Variants in PPIL2 observed in about 807,000 individuals in gnomAD.
PPIL2 encodes the protein peptidylprolyl isomerase like 2.
In PPIL2, 50 loss-of-function variants were observed where a neutral mutation model predicts 75.2. The observed-to-expected ratio is 0.66, with a 90% confidence interval of 0.53 to 0.84. The LOEUF (loss-of-function observed/expected upper bound fraction) is 0.84, where lower values mean the gene tolerates loss of function less well. Among genes scored for constraint, PPIL2 ranks in the 40% least tolerant of loss-of-function variants. PPIL2 has a pLI of 0.00. For synonymous variants in PPIL2, 245 were observed against 258.8 expected (o/e 0.95, Z 0.51); for missense variants, 590 against 685.0 (o/e 0.86, Z 1.55).
At chr22:21,695,253 G>A in intron 19 of PPIL2, 141 bp from the exon 20 acceptor site, 2 of 1,320,604 alleles carry the variant, frequency 1.5e-6, no homozygotes, top group Non-Finnish European at 2.0e-6. Flanking sequence ...CTCTGTGGGT[G>A]GAAGAGATCA....
intron 6 of PPIL2, among the ~76,000 whole-genome samples, chr22:21,677,698 C>CGGGAGA (rs982911187): frequency 1.3e-5 from 1 of 74,186 alleles, no homozygotes; most frequent in Non-Finnish European, 3.5e-5. Context: ...GGAGCGGGAG[C>CGGGAGA]GGGAGAGGGA....
At chr22:21,681,219 C>T in intron 6 of PPIL2, 80 bp from the exon 7 acceptor site, 1 of 1,191,710 alleles carries the variant, frequency 8.4e-7, no homozygotes, top group Non-Finnish European at 1.3e-6. Context: ...TTCTGTCCTG[C>T]CCTGGCCCTC....
chr22:21,698,194 A>AAAT (rs749944717), downstream of PPIL2: 1 of 151,860 alleles, frequency 6.6e-6, no homozygotes, highest in Non-Finnish European at 1.5e-5. Flanking sequence ...TTTGGTTTAA[A>AAAT]AATGAGCTTG....
chr22:21,688,777 C>A lies in PPIL2; in HGVS notation c.1067C>A (p.Pro356His), dbSNP rs755668986. The A allele has an allele frequency of 6.2e-7, 1 of 1,614,206 alleles. No individual in the cohort carries two copies. Among genetic ancestry groups the A allele is most frequent in the Admixed American group, 1.7e-5 (1 of 60,020 alleles). ...WGKPFKDEFR[P>H]NLSHTGRGIL... The stretch of plus-strand genomic sequence containing the variant: ...AAGCCCTTCAAAGACGAGTTCCGGC[C>A]CAACCTCTCGCACACGGGCCGCGGC... Residue 356 changes from proline to histidine, a missense_variant, in exon 15 of 20, where the codon CCC (proline) becomes CAC (histidine). By Grantham distance (77) the Pro-to-His change is moderately conservative. Coordinates refer to ENST00000398831, the MANE Select transcript of PPIL2 (RefSeq NM_014337.4).
At chr22:21,682,587 C>G in intron 8 of PPIL2, 61 bp downstream of exon 8, 1 of 1,281,930 alleles carries the variant, frequency 7.8e-7, no homozygotes, top group Non-Finnish European at 1.1e-6. Flanking sequence ...GCCCAGGCCT[C>G]TACAGGGCCC....
rs757166740 is a variant in PPIL2, at chr22:21,694,718, G to C, written c.1270-37G>C. On this transcript the variant is annotated intron_variant, in intron 17 of 19. Coordinates refer to ENST00000398831, the MANE Select transcript of PPIL2 (RefSeq NM_014337.4). Reference sequence around the variant, plus strand: ...CGGCTGGGGGCCAGGCAGGCAGGGGGAGGACCTGCCGTGCACTGAGCCCCC... The same window carrying C: ...CGGCTGGGGGCCAGGCAGGCAGGGGCAGGACCTGCCGTGCACTGAGCCCCC... 47 of 1,612,330 alleles carry C rather than the reference G, an allele frequency of 2.9e-5. No individual in the cohort carries two copies. The South Asian group carries it at 5.1e-4, about 17-fold the overall frequency.
chr22:21,686,390 G>T, intron 10 of PPIL2, 93 bp from the exon 11 acceptor site: 2 of 1,200,374 alleles, frequency 1.7e-6, no homozygotes, highest in Non-Finnish European at 2.5e-6. Context: ...GGGGGGCAGG[G>T]GTGGCGTGTG....
chr22:21,668,080 C>T (rs986528191), intron 1 of PPIL2, among the ~76,000 whole-genome samples: 2 of 151,856 alleles, frequency 1.3e-5, no homozygotes, highest in African/African-American at 4.8e-5. Flanking sequence ...CCGGGCCAGA[C>T]ATCTCGAATT....
In PPIL2 at chr22:21,696,590, GT is replaced by G; in HGVS notation, c.*1102del. ...TCTTCAGCCCAGGCCAGTGGTCAGT[GT>G]TCTCATGTCATGGACTCTCCTTGCC... On this transcript the variant is annotated 3_prime_UTR_variant, in exon 20 of 20. Transcript: ENST00000398831. 6.9e-7 allele frequency: 1 copy of G among 1,453,958 alleles called. No individual in the cohort carries two copies. The highest frequency in any genetic ancestry group is 9.0e-7 in the Non-Finnish European group (1 of 1,105,160). 90.1% of individuals were successfully genotyped at this position (1,453,958 alleles called of 1,614,324 possible).
intron 15 of PPIL2, among the ~76,000 whole-genome samples, chr22:21,691,038 C>A (rs1166266906): frequency 2.1e-5 from 3 of 141,530 alleles, no homozygotes; most frequent in African/African-American, 7.9e-5. Flanking sequence ...GATCTCGGCT[C>A]ACTGCAACCT....
rs2067893848 is a variant in PPIL2 at position 21,695,617 on chromosome 22, A to G, written c.*127A>G. The stretch of plus-strand genomic sequence containing the variant: ...AATAAATTGCTTGCCTGCTGCCTGC[A>G]TCCCCTTTCCTGGCCCCTGGGAGCC... On this transcript the variant is annotated 3_prime_UTR_variant, in exon 20 of 20. Coordinates refer to ENST00000398831, the MANE Select transcript of PPIL2 (RefSeq NM_014337.4). 6.7e-7 allele frequency: 1 copy of G among 1,494,932 alleles called. No homozygotes were observed. Among genetic ancestry groups the G allele is most frequent in the Admixed American group, 2.1e-5 (1 of 47,114 alleles). The allele number at this position is 1,494,932 out of a possible 1,614,324, so 92.6% of individuals were successfully genotyped here. A position where few individuals can be genotyped will look rare whatever the true frequency, so the allele number is the denominator to read the frequency against.
chr22:21,676,367 CCT>C (rs2066859400), intron 6 of PPIL2, among the ~76,000 whole-genome samples: 1 of 136,994 alleles, frequency 7.3e-6, no homozygotes, highest in African/African-American at 2.7e-5. Flanking sequence ...TTTCTCCAAA[CCT>C]CTTTTTTTTT....
downstream of PPIL2, chr22:21,699,109 G>C (rs1005517270): frequency 1.3e-5 from 2 of 152,456 alleles, no homozygotes; most frequent in Non-Finnish European, 2.9e-5. Context: ...GCTGTGTGTG[G>C]GCAGTGAGCT....
At chr22:21,694,562 A>G (rs566483231) in intron 16 of PPIL2, 31 bp from the exon 17 acceptor site, 2 of 1,612,832 alleles carry the variant, frequency 1.2e-6, no homozygotes, top group Middle Eastern at 1.7e-4. Context: ...CCTTGAGCAC[A>G]CGCAGACCCA....
Position 21,677,346 on chromosome 22 carries a change from G to A in PPIL2, c.295+2231G>A, listed in dbSNP as rs1177830451. On this transcript the variant is annotated intron_variant, in intron 6 of 19. Coordinates refer to ENST00000398831, the MANE Select transcript of PPIL2 (RefSeq NM_014337.4). Reference sequence around the variant, plus strand: ...GGCACTTTGGGAGGCCAAGGCAGGCGGCTGGGAGGTGGAGGTTGTAGCTAG... The same window carrying A: ...GGCACTTTGGGAGGCCAAGGCAGGCAGCTGGGAGGTGGAGGTTGTAGCTAG... 7.2e-5 allele frequency among the ~76,000 whole-genome samples: 11 copies of A among 152,208 alleles called. No individual in the cohort carries two copies. In the East Asian group the frequency reaches 7.7e-4, roughly 11 times the overall value.
At chr22:21,676,853 G>C (rs1482213870) in intron 6 of PPIL2, among the ~76,000 whole-genome samples, 1 of 152,232 alleles carries the variant, frequency 6.6e-6, no homozygotes, top group Non-Finnish European at 1.5e-5. Context: ...ATCATGGCCT[G>C]TTCTCAATGA....
chr22:21,697,186 G>A lies in PPIL2; in HGVS notation c.*1696G>A. Reference sequence around the variant, plus strand: ...CACCAAGCTGGGCCTGCAGAGGAGGGGCACAGTAGGACACAGTGACTGCCC... The same window carrying A: ...CACCAAGCTGGGCCTGCAGAGGAGGAGCACAGTAGGACACAGTGACTGCCC... On this transcript the variant is annotated 3_prime_UTR_variant, in exon 20 of 20. Transcript: ENST00000398831. 6 of 611,980 alleles carry A rather than the reference G, an allele frequency of 9.8e-6. No homozygotes were observed. In the South Asian group the frequency reaches 1.2e-4, roughly 12 times the overall value. 37.9% of individuals were successfully genotyped at this position (611,980 alleles called of 1,614,324 possible).
At chr22:21,670,303 CA>C (rs1177524010) in intron 2 of PPIL2, 5 of 1,482,698 alleles carry the variant, frequency 3.4e-6, no homozygotes, top group Non-Finnish European at 4.5e-6. Context: ...TTTCAGCTGT[CA>C]AAACTATCAA....
At chr22:21,672,433 C>T (rs928440604) in intron 5 of PPIL2, 52 bp downstream of exon 5, 14 of 1,521,388 alleles carry the variant, frequency 9.2e-6, no homozygotes, top group Non-Finnish European at 1.2e-5. Flanking sequence ...TATCCTCTCA[C>T]TTCTCCTTTT....
Sources: gnomAD v4.1 joint callset for allele counts (sites outside exome capture counted in the v4.1 genomes callset) on GRCh38, gnomAD v4.1.1 for gene constraint, MANE v1.5 for transcripts, NCBI Gene and HGNC (gene_info 2026-07-23, HGNC 2026-07-21) for gene names.